The following SPON1 variants were observed in gnomAD, a reference collection of about 807,000 sequenced individuals.
SPON1 encodes spondin 1, also known as spondin-1.
In SPON1, 52 loss-of-function variants were observed where a neutral mutation model predicts 111.7. That is an observed-to-expected ratio of 0.47 (90% CI 0.37 to 0.59). The LOEUF is 0.59. Ranked by LOEUF, SPON1 falls within the 20% of genes least tolerant of loss-of-function variation. The pLI, the probability that SPON1 is intolerant of heterozygous loss-of-function variation, is 0.00. For missense variants in SPON1, 957 were observed against 1,068.5 expected (o/e 0.90, Z 1.46); for synonymous variants, 410 against 395.8 (o/e 1.04, Z -0.43).
At chr11:14,111,884 G>A (rs1225791315) in intron 5 of SPON1, among the ~76,000 whole-genome samples, 1 of 152,032 alleles carries the variant, frequency 6.6e-6, no homozygotes, top group Non-Finnish European at 1.5e-5. Context: ...TTGACAAAGT[G>A]ACATGGAATT....
chr11:14,064,694 C>T lies in SPON1; in HGVS notation c.480-10651C>T, dbSNP rs371314469. Among the ~76,000 whole-genome samples, 11 of 152,190 alleles carry T rather than the reference C, an allele frequency of 7.2e-5. No homozygotes were observed. In the South Asian group the frequency reaches 1.5e-3, roughly 20 times the overall value. ...TGGGATAATTAGGATGTGGTGCCATCGTTGCTAACAATGTGTGAAAGAAAG... is the reference window on the plus strand; with the variant it reads ...TGGGATAATTAGGATGTGGTGCCATTGTTGCTAACAATGTGTGAAAGAAAG... On this transcript the variant is annotated intron_variant, in intron 3 of 15. Transcript: ENST00000576479.
chr11:14,151,375 G>A (rs1847786408), intron 6 of SPON1, among the ~76,000 whole-genome samples: 1 of 152,198 alleles, frequency 6.6e-6, no homozygotes, highest in African/African-American at 2.4e-5. Context: ...TTTCATAAAT[G>A]AACTTAAATA....
At chr11:14,041,401 C>A (rs1011194892) in intron 2 of SPON1, 120 bp from the exon 3 acceptor site, 1 of 1,191,592 alleles carries the variant, frequency 8.4e-7, no homozygotes, top group Non-Finnish European at 1.2e-6. Flanking sequence ...CCTGGGGATA[C>A]AGAGTTGCTA....
At chr11:14,065,483 C>T (rs16913578) in intron 3 of SPON1, among the ~76,000 whole-genome samples, 9,955 of 152,206 alleles carry the variant, frequency 0.065, 454 homozygotes, top group South Asian at 0.18. Context: ...ACCGGAGAAA[C>T]CCAAGAGCAA....
chr11:14,054,114 T>C (rs1489011419), intron 3 of SPON1, among the ~76,000 whole-genome samples: 1 of 152,192 alleles, frequency 6.6e-6, no homozygotes, highest in African/African-American at 2.4e-5. Flanking sequence ...TGTACCACAC[T>C]CCCTCCATAA....
At chr11:14,171,025 G>T (rs1438517337) in intron 6 of SPON1, among the ~76,000 whole-genome samples, 19 of 152,336 alleles carry the variant, frequency 1.2e-4, no homozygotes, top group Non-Finnish European at 1.9e-4. Flanking sequence ...AGTTAGGGAG[G>T]ATTCCCTCTT....
At chr11:14,021,697 G>A (rs1554914808) in intron 2 of SPON1, among the ~76,000 whole-genome samples, 2 of 152,300 alleles carry the variant, frequency 1.3e-5, no homozygotes, top group South Asian at 2.1e-4. Context: ...GACCTGAGAC[G>A]ACCCTGCCCT....
In SPON1 at chr11:14,013,172, G is replaced by A. The variant is rs191402571; in HGVS notation, c.346-28349G>A. Among the ~76,000 whole-genome samples, 20 of 152,302 alleles carry A rather than the reference G, an allele frequency of 1.3e-4. No individual in the cohort carries two copies. In the East Asian group the frequency reaches 3.1e-3, roughly 24 times the overall value. On this transcript the variant is annotated intron_variant, in intron 2 of 15. Coordinates refer to ENST00000576479, the MANE Select transcript of SPON1 (RefSeq NM_006108.4). ...AATAGAGATCCAGGCAGTCCCAGAA[G>A]CCCCATGCTAACAACTTCTGCTAAT...
intron 3 of SPON1, among the ~76,000 whole-genome samples, chr11:14,055,282 A>G (rs1848737065): frequency 1.3e-5 from 2 of 152,170 alleles, no homozygotes; most frequent in African/African-American, 4.8e-5. Flanking sequence ...CTATGCTAAA[A>G]AAGATCCCAC....
intron 6 of SPON1, among the ~76,000 whole-genome samples, chr11:14,169,530 T>C (rs1315992524): frequency 3.3e-4 from 50 of 151,960 alleles, no homozygotes; most frequent in African/African-American, 1.2e-3. Context: ...ATTTTGGCTT[T>C]TGTTGCCATT....
intron 5 of SPON1, among the ~76,000 whole-genome samples, chr11:14,092,944 T>C (rs1554923555): frequency 6.6e-6 from 1 of 152,168 alleles, no homozygotes; most frequent in Non-Finnish European, 1.5e-5. Flanking sequence ...AGGCCATCAA[T>C]CTTCTGTCCT....
intron 6 of SPON1, among the ~76,000 whole-genome samples, chr11:14,175,406 G>T (rs1385709129): frequency 6.6e-6 from 1 of 152,080 alleles, no homozygotes; most frequent in African/African-American, 2.4e-5. Context: ...TTGGTTTCAG[G>T]GACCCATAGC....
chr11:14,158,777 T>G (rs907836424), intron 6 of SPON1, among the ~76,000 whole-genome samples: 1 of 152,182 alleles, frequency 6.6e-6, no homozygotes, highest in Non-Finnish European at 1.5e-5. Context: ...TGGCCTCATA[T>G]AAGCTCGCTT....
chr11:13,970,357 AC>A (rs1848053053), intron 1 of SPON1, among the ~76,000 whole-genome samples: 1 of 152,200 alleles, frequency 6.6e-6, no homozygotes, highest in African/African-American at 2.4e-5. Context: ...TAAGGGACCT[AC>A]CCACATCCAC....
At chr11:14,249,400 C>T (rs1554940490) in intron 7 of SPON1, among the ~76,000 whole-genome samples, 2 of 152,204 alleles carry the variant, frequency 1.3e-5, no homozygotes, top group Non-Finnish European at 2.9e-5. Context: ...TCTAAGCATC[C>T]AGATGGACCT....
chr11:14,264,013 G>A (rs1196656676), intron 15 of SPON1, among the ~76,000 whole-genome samples: 1 of 148,908 alleles, frequency 6.7e-6, no homozygotes, highest in Admixed American at 6.7e-5. Context: ...TGGGCAACAA[G>A]AGTGAAACTC....
At chr11:14,086,021 T>C (rs182765324) in intron 5 of SPON1, among the ~76,000 whole-genome samples, 109 of 152,330 alleles carry the variant, frequency 7.2e-4, no homozygotes, top group Admixed American at 1.6e-3. Flanking sequence ...TTTGCTGAAG[T>C]TGCTTATCAG....
At chr11:13,975,945 C>CCATCACCATCAT in intron 1 of SPON1, among the ~76,000 whole-genome samples, 1 of 152,174 alleles carries the variant, frequency 6.6e-6, no homozygotes, top group East Asian at 1.9e-4. Flanking sequence ...ACCACCATCA[C>CCATCACCATCAT]CATCACCATC....
At position 14,098,058 on chromosome 11, in the gene SPON1, C is replaced by T. The variant is rs191809050; in HGVS notation, c.676+18037C>T. On this transcript the variant is annotated intron_variant, in intron 5 of 15. Transcript: ENST00000576479. ...TCGCCCAGGCTGGAGTGCAGTGGCA[C>T]GATCTCAGCTCACTGCAAGCTCCGC... Among the ~76,000 whole-genome samples, 124 of 152,264 alleles carry T rather than the reference C, an allele frequency of 8.1e-4. 2 individuals are homozygous for T. The East Asian group carries it at 0.018, about 23-fold the overall frequency.
Sources: allele counts gnomAD v4.1 joint callset (sites outside exome capture counted in the v4.1 genomes callset), GRCh38; gene constraint gnomAD v4.1.1; transcripts MANE v1.5; gene names NCBI Gene and HGNC (gene_info 2026-07-23, HGNC 2026-07-21).